The following PGM5 variants were observed in gnomAD, a reference collection of about 807,000 sequenced individuals.
PGM5 encodes the protein phosphoglucomutase 5, also known as phosphoglucomutase-like protein 5.
PGM5 carries 23 observed loss-of-function variants against 59.2 expected under a neutral mutation model. That is an observed-to-expected ratio of 0.39 (90% CI 0.28 to 0.55). PGM5 has a LOEUF of 0.55. PGM5 is among the 20% of genes least tolerant of loss of function. PGM5 has a pLI of 0.66. For missense variants in PGM5, 574 were observed against 748.3 expected, an observed-to-expected ratio of 0.77 and a Z score of 2.72; for synonymous variants, 214 against 286.0, an observed-to-expected ratio of 0.75 and a Z score of 2.54.
chr9:68,424,355 C>T (rs942912314), intron 6 of PGM5, among the ~76,000 whole-genome samples: 5 of 152,130 alleles, frequency 3.3e-5, no homozygotes, highest in Admixed American at 2.6e-4. Context: ...TGTTGGGTGT[C>T]TGGTGAGGGC....
chr9:68,471,322 G>C (rs1460223720), intron 7 of PGM5, among the ~76,000 whole-genome samples: 1 of 152,130 alleles, frequency 6.6e-6, no homozygotes, highest in African/African-American at 2.4e-5. Flanking sequence ...ACTGTCCCTT[G>C]GGATTTAAAA....
At chr9:68,470,717 C>A (rs1397677048) in intron 7 of PGM5, among the ~76,000 whole-genome samples, 1 of 152,166 alleles carries the variant, frequency 6.6e-6, no homozygotes, top group Non-Finnish European at 1.5e-5. Context: ...GGTCCTACTG[C>A]ACTTCTTTTT....
intron 7 of PGM5, among the ~76,000 whole-genome samples, chr9:68,472,170 G>A (rs1400131630): frequency 6.6e-6 from 1 of 152,102 alleles, no homozygotes; most frequent in Non-Finnish European, 1.5e-5. Context: ...CACAATGATG[G>A]TATAGAGACC....
chr9:68,422,290 A>G (rs1226006642), intron 6 of PGM5, among the ~76,000 whole-genome samples: 1 of 152,176 alleles, frequency 6.6e-6, no homozygotes, highest in African/African-American at 2.4e-5. Flanking sequence ...CTCCATTTGC[A>G]TAGCAAACAC....
rs1824142104 is a variant in PGM5, at chr9:68,478,600, AGAG to A, written c.1160-812_1160-810del. ...GGACCACCCTTCCTTGGAAGGCTGTAGAGGAGGATTCCCCTTGCCTCTTTCAGT... is the reference window on the plus strand; with the variant it reads ...GGACCACCCTTCCTTGGAAGGCTGTAGAGGATTCCCCTTGCCTCTTTCAGT... On this transcript the variant is annotated intron_variant, in intron 7 of 10. Transcript: ENST00000396396. Among the ~76,000 whole-genome samples the A allele has an allele frequency of 1.3e-5, 2 of 152,210 alleles. 1 individual carries two copies. Among genetic ancestry groups the A allele is most frequent in the South Asian group, 4.1e-4 (2 of 4,826 alleles).
chr9:68,420,440 C>G (rs1202602704), intron 6 of PGM5, among the ~76,000 whole-genome samples: 2 of 152,180 alleles, frequency 1.3e-5, no homozygotes, highest in African/African-American at 4.8e-5. Flanking sequence ...CTTATTCGCT[C>G]ACAATGCATG....
intron 1 of PGM5, among the ~76,000 whole-genome samples, chr9:68,376,475 CTGTGTGTGTGTGTGTGTGTGTGTGTGTG>C (rs71353047): frequency 5.1e-4 from 66 of 129,648 alleles, no homozygotes; most frequent in Admixed American, 2.7e-3. Flanking sequence ...TGCTTTTGAG[CTGTGTGTGTGTGTGTGTGTGTGTGTGTG>C]TGTGTGTGTG....
At chr9:68,403,174 C>G (rs1822712605) in intron 6 of PGM5, among the ~76,000 whole-genome samples, 1 of 152,130 alleles carries the variant, frequency 6.6e-6, no homozygotes, top group Non-Finnish European at 1.5e-5. Context: ...GCATTAGATT[C>G]TCATAGGAGA....
At chr9:68,393,482 A>T (rs1161736473) in intron 6 of PGM5, among the ~76,000 whole-genome samples, 4 of 152,104 alleles carry the variant, frequency 2.6e-5, no homozygotes, top group African/African-American at 9.7e-5. Flanking sequence ...GTGGCGACTC[A>T]CACCTGTAAT....
At chr9:68,376,635 T>TG (rs1446796547) in intron 1 of PGM5, among the ~76,000 whole-genome samples, 2 of 152,070 alleles carry the variant, frequency 1.3e-5, no homozygotes, top group Non-Finnish European at 2.9e-5. Flanking sequence ...TTGAACTGTA[T>TG]GTTAAAGTTT....
rs147441757 is a variant in PGM5 at position 68,413,392 on chromosome 9, G to T, written c.1043+20919G>T. Among the ~76,000 whole-genome samples the T allele has an allele frequency of 7.2e-3, 1,090 of 152,092 alleles. 5 individuals are homozygous for T. Among genetic ancestry groups the T allele is most frequent in the Non-Finnish European group, 0.011 (727 of 68,006 alleles). ...CCCAAGGGTTTCCCAAATATTTTCAGAAACAGCTATGCAAACACACAGACT... is the reference window on the plus strand; with the variant it reads ...CCCAAGGGTTTCCCAAATATTTTCATAAACAGCTATGCAAACACACAGACT... On this transcript the variant is annotated intron_variant, in intron 6 of 10. Coordinates refer to ENST00000396396, the MANE Select transcript of PGM5 (RefSeq NM_021965.4).
intron 10 of PGM5, among the ~76,000 whole-genome samples, chr9:68,525,179 C>T (rs1240908127): frequency 7.6e-6 from 1 of 132,044 alleles, no homozygotes; most frequent in Admixed American, 6.9e-5. Context: ...GAGTAAAAAC[C>T]CGGCACTGTT....
chr9:68,411,514 A>G (rs1345761064), intron 6 of PGM5, among the ~76,000 whole-genome samples: 2 of 115,398 alleles, frequency 1.7e-5, no homozygotes, highest in African/African-American at 5.7e-5. Flanking sequence ...GATTTTCCCA[A>G]TATTTAAGGA....
At chr9:68,496,655 C>A (rs1554688171) in intron 9 of PGM5, among the ~76,000 whole-genome samples, 1 of 152,146 alleles carries the variant, frequency 6.6e-6, no homozygotes, top group African/African-American at 2.4e-5. Context: ...GTAGTATAGT[C>A]AAAGACATTA....
intron 6 of PGM5, among the ~76,000 whole-genome samples, chr9:68,422,391 A>G (rs1823146590): frequency 6.6e-6 from 1 of 152,114 alleles, no homozygotes; most frequent in Admixed American, 6.5e-5. Context: ...CCTCTTGGTA[A>G]CAAAACTGAC....
At chr9:68,371,210 C>T (rs1359224167) in intron 1 of PGM5, among the ~76,000 whole-genome samples, 1 of 152,190 alleles carries the variant, frequency 6.6e-6, no homozygotes, top group Non-Finnish European at 1.5e-5. Flanking sequence ...AACCCAGACC[C>T]TATGGTGTGG....
chr9:68,444,985 T>C (rs1271287202), intron 6 of PGM5, among the ~76,000 whole-genome samples: 1 of 152,194 alleles, frequency 6.6e-6, no homozygotes, highest in African/African-American at 2.4e-5. Context: ...TGCCTGGAGC[T>C]TTGCTTTCTT....
At position 68,438,933 on chromosome 9, in the gene PGM5, G is replaced by A. The variant is rs139200534; in HGVS notation, c.1044-26160G>A. Among the ~76,000 whole-genome samples the A allele has an allele frequency of 9.9e-5, 15 of 152,176 alleles. No individual in the cohort carries two copies. In the East Asian group the frequency reaches 2.7e-3, roughly 27 times the overall value. ...CATAGCTCCCAAACAATCCAAGATG[G>A]CCAAAAAGAGCCTAAAACTTGGAGG... On this transcript the variant is annotated intron_variant, in intron 6 of 10. Transcript: ENST00000396396.
In PGM5 at chr9:68,418,934, G is replaced by A. The variant is rs1018665947; in HGVS notation, c.1043+26461G>A. Among the ~76,000 whole-genome samples, 8 of 152,122 alleles carry A rather than the reference G, an allele frequency of 5.3e-5. No homozygotes were observed. The East Asian group carries it at 5.8e-4, about 11-fold the overall frequency. ...ACCGCAGGAGGAACCAGGCTTATGC[G>A]AGCTTTATAGTCGGCTGAAAAAGAG... On this transcript the variant is annotated intron_variant, in intron 6 of 10. Coordinates refer to ENST00000396396, the MANE Select transcript of PGM5 (RefSeq NM_021965.4).
Sources: gnomAD v4.1 joint callset for allele counts (sites outside exome capture counted in the v4.1 genomes callset) on GRCh38, gnomAD v4.1.1 for gene constraint, MANE v1.5 for transcripts, NCBI Gene and HGNC (gene_info 2026-07-23, HGNC 2026-07-21) for gene names.